Variants in GOSR1 observed in about 807,000 individuals in gnomAD.
GOSR1 encodes the protein 28 kDa Golgi SNARE protein.
Under a neutral mutation model 35.5 loss-of-function variants are expected in GOSR1, and 21 were observed. That is an observed-to-expected ratio of 0.59 (90% CI 0.42 to 0.85). The LOEUF (loss-of-function observed/expected upper bound fraction) is 0.85. Among genes scored for constraint, GOSR1 ranks in the 40% least tolerant of loss-of-function variants. The pLI is 0.00. For missense variants in GOSR1, 285 were observed against 309.6 expected, an observed-to-expected ratio of 0.92 and a Z score of 0.60; for synonymous variants, 94 against 106.6, an observed-to-expected ratio of 0.88 and a Z score of 0.73.
intron 6 of GOSR1, among the ~76,000 whole-genome samples, chr17:30,510,002 C>A (rs1311722922): frequency 2.0e-5 from 3 of 152,140 alleles, no homozygotes; most frequent in South Asian, 4.1e-4. Flanking sequence ...TAAAACTGTT[C>A]TGACTCTAAT....
chr17:30,484,998 T>A (rs1234490407), intron 4 of GOSR1: 1 of 535,968 alleles, frequency 1.9e-6, no homozygotes, highest in Non-Finnish European at 3.4e-6. Context: ...TTGAGTAATA[T>A]TCATCACTGG....
chr17:30,503,735 G>A (rs1967297317), intron 6 of GOSR1, among the ~76,000 whole-genome samples: 3 of 152,362 alleles, frequency 2.0e-5, no homozygotes, highest in South Asian at 4.1e-4. Context: ...AAGGATGACA[G>A]TGGGTAGGGA....
chr17:30,517,514 T>C (rs1222894989), intron 7 of GOSR1, among the ~76,000 whole-genome samples: 1 of 152,158 alleles, frequency 6.6e-6, no homozygotes, highest in Non-Finnish European at 1.5e-5. Flanking sequence ...TAATACTAAC[T>C]CATCCTTTTT....
chr17:30,497,876 G>A (rs1967055805), intron 6 of GOSR1, among the ~76,000 whole-genome samples: 1 of 152,106 alleles, frequency 6.6e-6, no homozygotes. Flanking sequence ...TGGCCAACAT[G>A]GTGAAACCCC....
chr17:30,491,768 T>A (rs1219518008), intron 5 of GOSR1, among the ~76,000 whole-genome samples: 1 of 152,182 alleles, frequency 6.6e-6, no homozygotes, highest in African/African-American at 2.4e-5. Context: ...TGTATTATAT[T>A]TTTTTGGCCT....
intron 7 of GOSR1, among the ~76,000 whole-genome samples, chr17:30,519,352 CA>C (rs1368193810): frequency 6.6e-6 from 1 of 152,178 alleles, no homozygotes; most frequent in East Asian, 1.9e-4. Context: ...CCACCACACC[CA>C]GCTGTTTTAG....
At chr17:30,493,732 TA>T (rs1487589199) in intron 6 of GOSR1, among the ~76,000 whole-genome samples, 2 of 152,218 alleles carry the variant, frequency 1.3e-5, no homozygotes, top group African/African-American at 2.4e-5. Flanking sequence ...AATTCTGTAA[TA>T]TTTTTTACTC....
rs188161246 is a variant in GOSR1 at position 30,482,842 on chromosome 17, A to G, written c.147-1372A>G. 7 of 152,358 alleles carry G rather than the reference A, an allele frequency of 4.6e-5. No homozygotes were observed. In the East Asian group the frequency reaches 5.8e-4, roughly 13 times the overall value. 9.4% of individuals were successfully genotyped at this position (152,358 alleles called of 1,614,324 possible). On this transcript the variant is annotated intron_variant, in intron 2 of 8. Coordinates refer to ENST00000451249, the MANE Select transcript of GOSR1 (RefSeq NM_001007025.2). ...AAAGAGAATGAAGAATGTTCTTTCTATGCATTTTCTATGTTCTGTGTGCTT... is the reference window on the plus strand; with the variant it reads ...AAAGAGAATGAAGAATGTTCTTTCTGTGCATTTTCTATGTTCTGTGTGCTT...
At chr17:30,502,656 C>G (rs1169876554) in intron 6 of GOSR1, among the ~76,000 whole-genome samples, 1 of 152,118 alleles carries the variant, frequency 6.6e-6, no homozygotes, top group African/African-American at 2.4e-5. Context: ...CTAAACAACC[C>G]ATGAACAAAG....
intron 7 of GOSR1, among the ~76,000 whole-genome samples, chr17:30,516,691 CT>C (rs1315523790): frequency 6.6e-6 from 1 of 151,986 alleles, no homozygotes; most frequent in Admixed American, 6.6e-5. Flanking sequence ...ATAAACATCC[CT>C]TCAAGTTAAT....
chr17:30,522,593 TAAAA>T lies in GOSR1; in HGVS notation c.*228_*231del, dbSNP rs34897756. ...TCTAACACATTTTTCTGTTTTTAAT[TAAAA>T]AAAAAAAAAAAAGGTTTTCAGTTGC... On this transcript the variant is annotated 3_prime_UTR_variant, in exon 9 of 9. Coordinates refer to ENST00000451249, the MANE Select transcript of GOSR1 (RefSeq NM_001007025.2). 20 of 251,488 alleles carry T rather than the reference TAAAA, an allele frequency of 8.0e-5. No individual in the cohort carries two copies. The highest frequency in any genetic ancestry group is 1.1e-4 in the Non-Finnish European group (15 of 138,958). 15.6% of individuals were successfully genotyped at this position (251,488 alleles called of 1,614,324 possible). A position where few individuals can be genotyped will look rare whatever the true frequency, so the allele number is the denominator to read the frequency against.
At chr17:30,493,024 C>T (rs529965961) in intron 6 of GOSR1, among the ~76,000 whole-genome samples, 1 of 150,044 alleles carries the variant, frequency 6.7e-6, no homozygotes, top group South Asian at 2.1e-4. Context: ...GATGGAGTCT[C>T]GCTCCGTCAC....
At chr17:30,505,458 T>C (rs1036882689) in intron 6 of GOSR1, among the ~76,000 whole-genome samples, 1 of 152,162 alleles carries the variant, frequency 6.6e-6, no homozygotes, top group African/African-American at 2.4e-5. Flanking sequence ...AAATTTTGTG[T>C]TTTGCTTTAT....
intron 8 of GOSR1, among the ~76,000 whole-genome samples, chr17:30,521,167 CTTTTTTTT>C (rs71360748): frequency 3.3e-4 from 21 of 64,220 alleles, no homozygotes; most frequent in African/African-American, 9.1e-4. Context: ...TTCTCTCTCT[CTTTTTTTT>C]TTTTTTTTTT....
intron 6 of GOSR1, among the ~76,000 whole-genome samples, chr17:30,499,446 A>G (rs1482992141): frequency 1.3e-5 from 2 of 150,384 alleles, no homozygotes; most frequent in African/African-American, 2.5e-5. Context: ...GGTTCATGAC[A>G]TTCTCCTGCC....
chr17:30,520,190 T>C, intron 8 of GOSR1, 169 bp downstream of exon 8: 1 of 515,082 alleles, frequency 1.9e-6, no homozygotes, highest in Admixed American at 3.1e-5. Context: ...TTATGCTCTT[T>C]AGTACCATTC....
Position 30,494,042 on chromosome 17 carries a change from G to A in GOSR1, c.509+1289G>A, listed in dbSNP as rs968678110. On this transcript the variant is annotated intron_variant, in intron 6 of 8. Transcript: ENST00000451249. ...AAGTTTGATATTTTGCAGTAGGGTC[G>A]GACCTTTTATGGCTAGAACTATGTT... is the stretch of plus-strand genomic sequence containing the variant. 1.2e-4 allele frequency among the ~76,000 whole-genome samples: 18 copies of A among 151,998 alleles called. 1 individual carries two copies. Among genetic ancestry groups the A allele is most frequent in the Non-Finnish European group, 1.8e-4 (12 of 67,986 alleles).
chr17:30,510,763 A>C (rs1967584425), intron 6 of GOSR1, 117 bp from the exon 7 acceptor site: 5 of 608,030 alleles, frequency 8.2e-6, no homozygotes, highest in Non-Finnish European at 1.5e-5. Context: ...GCTTTGAAAA[A>C]GCTAGACATT....
At chr17:30,517,062 G>A (rs1186643661) in intron 7 of GOSR1, among the ~76,000 whole-genome samples, 2 of 152,124 alleles carry the variant, frequency 1.3e-5, no homozygotes, top group Non-Finnish European at 2.9e-5. Context: ...CACTGCCTGT[G>A]ATTTCAGTTG....
Sources: allele counts gnomAD v4.1 joint callset (sites outside exome capture counted in the v4.1 genomes callset), GRCh38; gene constraint gnomAD v4.1.1; transcripts MANE v1.5; gene names NCBI Gene and HGNC (gene_info 2026-07-23, HGNC 2026-07-21).